Variants in SLA2 observed in about 807,000 individuals in gnomAD.
SLA2 encodes Src like adaptor 2.
Under a neutral mutation model 27.3 loss-of-function variants are expected in SLA2, and 22 were observed. The observed-to-expected ratio is 0.81, with a 90% CI of 0.58 to 1.15. The LOEUF (loss-of-function observed/expected upper bound fraction) is 1.15. SLA2 is among the 50% of genes most tolerant of loss of function. SLA2 has a pLI of 0.00. For synonymous variants in SLA2, 131 were observed against 137.8 expected, an observed-to-expected ratio of 0.95 and a Z score of 0.34; for missense variants, 304 against 322.2, an observed-to-expected ratio of 0.94 and a Z score of 0.43.
chr20:36,614,801 G>A, intron 6 of SLA2: 1 of 985,418 alleles, frequency 1.0e-6, no homozygotes, highest in Non-Finnish European at 1.2e-6. Flanking sequence ...TCACAAGAGT[G>A]CTCTTCCCTC....
At chr20:36,620,456 T>G (rs182564209) in intron 5 of SLA2, 134 of 232,168 alleles carry the variant, frequency 5.8e-4, no homozygotes, top group Middle Eastern at 5.1e-3. Flanking sequence ...TATGGCAAGA[T>G]TAAAACCATA....
chr20:36,614,572 C>G (rs1350601156), intron 6 of SLA2, 135 bp from the exon 7 acceptor site: 2 of 1,448,628 alleles, frequency 1.4e-6, no homozygotes, highest in African/African-American at 2.9e-5. Flanking sequence ...GAGCCCCAAG[C>G]TATTGGTTTC....
chr20:36,625,031 A>G (rs2039322252), intron 5 of SLA2, among the ~76,000 whole-genome samples: 4 of 152,102 alleles, frequency 2.6e-5, no homozygotes, highest in Non-Finnish European at 5.9e-5. Context: ...TTTATTCAGT[A>G]AACATCTGCT....
At chr20:36,633,669 G>T in intron 3 of SLA2, 40 bp from the exon 4 acceptor site, 1 of 1,553,646 alleles carries the variant, frequency 6.4e-7, no homozygotes. Flanking sequence ...TTTCAGATGA[G>T]CCAAGGCCCC....
At chr20:36,628,590 GGCT>G (rs2039362446) in intron 5 of SLA2, among the ~76,000 whole-genome samples, 1 of 152,064 alleles carries the variant, frequency 6.6e-6, no homozygotes, top group Non-Finnish European at 1.5e-5. Context: ...CTGTCACCCA[GGCT>G]GGAGTCCAGT....
chr20:36,618,906 CAAAAAAAA>C (rs35436767), intron 5 of SLA2, among the ~76,000 whole-genome samples: 25 of 40,370 alleles, frequency 6.2e-4, no homozygotes, highest in South Asian at 3.2e-3. Context: ...AACTCCATCT[CAAAAAAAA>C]AAAAAAAAAA....
chr20:36,614,176 A>C, intron 7 of SLA2, 129 bp downstream of exon 7: 1 of 1,518,900 alleles, frequency 6.6e-7, no homozygotes, highest in Non-Finnish European at 9.1e-7. Flanking sequence ...GAGTTGAGTC[A>C]GTGCACTCTG....
At chr20:36,638,391 C>T (rs1346463895) in intron 2 of SLA2, among the ~76,000 whole-genome samples, 1 of 149,364 alleles carries the variant, frequency 6.7e-6, no homozygotes, top group Non-Finnish European at 1.5e-5. Context: ...TGCAGTGGCT[C>T]GATCTTGGCT....
At chr20:36,638,273 G>A (rs551185530) in intron 2 of SLA2, among the ~76,000 whole-genome samples, 12 of 152,104 alleles carry the variant, frequency 7.9e-5, no homozygotes, top group East Asian at 7.7e-4. Context: ...AGACTTCTAC[G>A]TTACAAATGA....
intron 2 of SLA2, among the ~76,000 whole-genome samples, chr20:36,637,624 C>CCT (rs2039464748): frequency 3.7e-5 from 3 of 80,944 alleles, no homozygotes; most frequent in South Asian, 4.9e-4. Flanking sequence ...GTGAAGTTTG[C>CCT]TTTTTTTTTT....
At chr20:36,614,665 C>T in intron 6 of SLA2, 2 of 985,426 alleles carry the variant, frequency 2.0e-6, no homozygotes, top group Non-Finnish European at 2.4e-6. Context: ...GTTCATGGAC[C>T]TCTTGAGCTC....
chr20:36,613,656 G>T lies in SLA2; in HGVS notation c.*210C>A, dbSNP rs561124718. 45 of 533,840 alleles carry T rather than the reference G, an allele frequency of 8.4e-5. No homozygotes were observed. Among genetic ancestry groups the T allele is most frequent in the African/African-American group, 7.9e-4 (41 of 51,640 alleles). 33.1% of individuals were successfully genotyped at this position (533,840 alleles called of 1,614,324 possible). ...CACCTTCTCTGCACTCGCACTAGAG[G>T]TCGCAGGTGGGATCATGGCACTGGA... is the stretch of plus-strand genomic sequence containing the variant. On this transcript the variant is annotated 3_prime_UTR_variant, in exon 8 of 8. Coordinates refer to ENST00000262866, the MANE Select transcript of SLA2 (RefSeq NM_032214.4).
chr20:36,631,961 G>A (rs999602674), intron 5 of SLA2, among the ~76,000 whole-genome samples: 3 of 152,156 alleles, frequency 2.0e-5, no homozygotes, highest in Non-Finnish European at 4.4e-5. Flanking sequence ...GTGTTAACAC[G>A]GATTGTGAAC....
At position 36,614,304 on chromosome 20, in the gene SLA2, C is replaced by T; in HGVS notation, c.665+1G>A. 6.2e-7 allele frequency: 1 copy of T among 1,614,174 alleles called. No individual in the cohort carries two copies. The highest frequency in any genetic ancestry group is 8.5e-7 in the Non-Finnish European group (1 of 1,180,022). On this transcript the variant is annotated splice_donor_variant, in intron 7 of 7. Transcript: ENST00000262866. LOFTEE classifies it high-confidence loss of function. ...ATGTTTCCAGGAGTCCCCAACTTTA[C>T]CTGTCCAGCTCTTTCCAGTTGAGTG...
chr20:36,617,716 G>A (rs1267134865), intron 5 of SLA2, among the ~76,000 whole-genome samples: 1 of 151,644 alleles, frequency 6.6e-6, no homozygotes, highest in Non-Finnish European at 1.5e-5. Flanking sequence ...AATTAGCCAG[G>A]CGTGGTGGCG....
intron 3 of SLA2, 56 bp from the exon 4 acceptor site, chr20:36,633,685 C>G: frequency 4.8e-6 from 7 of 1,464,996 alleles, no homozygotes; most frequent in Non-Finnish European, 6.7e-6. Flanking sequence ...GCCCCGACAA[C>G]CACACATTCA....
At chr20:36,635,187 A>G (rs1600829845) in intron 2 of SLA2, among the ~76,000 whole-genome samples, 2 of 151,310 alleles carry the variant, frequency 1.3e-5, no homozygotes, top group East Asian at 1.9e-4. Context: ...CAGACTCCCT[A>G]TGACCGCCGA....
chr20:36,616,523 C>T (rs138308851), intron 5 of SLA2, among the ~76,000 whole-genome samples: 11,323 of 151,932 alleles, frequency 0.075, 595 homozygotes, highest in Admixed American at 0.16. Context: ...TTGGTAGAGA[C>T]AGGGTTTCAC....
chr20:36,641,882 G>A (rs974861897), intron 1 of SLA2, among the ~76,000 whole-genome samples: 1 of 151,876 alleles, frequency 6.6e-6, no homozygotes, highest in Non-Finnish European at 1.5e-5. Context: ...GGAGGGCTGG[G>A]TGTGGTGGCT....
Sources: allele counts gnomAD v4.1 joint callset (sites outside exome capture counted in the v4.1 genomes callset), GRCh38; gene constraint gnomAD v4.1.1; transcripts MANE v1.5; gene names NCBI Gene and HGNC (gene_info 2026-07-23, HGNC 2026-07-21).